KCNMA1: variants seen among roughly 807,000 people sequenced by gnomAD.
KCNMA1 encodes Calcium-activated potassium channel subunit alpha-1.
In KCNMA1, 29 loss-of-function variants were observed where a neutral mutation model predicts 140.0. That is an observed-to-expected ratio of 0.21 (90% CI 0.15 to 0.28). KCNMA1 has a LOEUF of 0.28. KCNMA1 is among the 10% of genes least tolerant of loss of function. KCNMA1 has a pLI of 1.00. For missense variants in KCNMA1, 880 were observed against 1,602.2 expected (o/e 0.55, Z 7.70); for synonymous variants, 612 against 611.9 (o/e 1.00, Z 0.00).
At chr10:77,077,571 AT>A (rs1350948632) in intron 13 of KCNMA1, among the ~76,000 whole-genome samples, 1 of 152,214 alleles carries the variant, frequency 6.6e-6, no homozygotes, top group African/African-American at 2.4e-5. Context: ...ATCAGCACTC[AT>A]TGGAAAGAGA....
chr10:77,450,860 C>A (rs946537680), intron 1 of KCNMA1, among the ~76,000 whole-genome samples: 3 of 152,102 alleles, frequency 2.0e-5, no homozygotes, highest in Non-Finnish European at 2.9e-5. Flanking sequence ...TAGGAGGGAC[C>A]CAGTCAGGGG....
chr10:77,044,894 A>C (rs1274654149), intron 14 of KCNMA1, among the ~76,000 whole-genome samples: 1 of 152,060 alleles, frequency 6.6e-6, no homozygotes, highest in African/African-American at 2.4e-5. Context: ...TTGTGGTGTT[A>C]GGATTTCGGG....
chr10:77,276,816 A>C (rs1021089414), intron 2 of KCNMA1, among the ~76,000 whole-genome samples: 12 of 152,162 alleles, frequency 7.9e-5, no homozygotes, highest in Non-Finnish European at 1.6e-4. Context: ...TATTAATAGC[A>C]AACAAAATAT....
chr10:77,621,033 A>T (rs1011973480), intron 1 of KCNMA1, among the ~76,000 whole-genome samples: 2 of 152,124 alleles, frequency 1.3e-5, no homozygotes, highest in African/African-American at 4.8e-5. Flanking sequence ...TTGCTAACTA[A>T]CCAATTTGTC....
At chr10:77,546,546 G>A (rs950541594) in intron 1 of KCNMA1, among the ~76,000 whole-genome samples, 16 of 152,174 alleles carry the variant, frequency 1.1e-4, no homozygotes, top group Admixed American at 2.6e-4. Context: ...GGCCACTGCC[G>A]GCCTGTTCTG....
intron 1 of KCNMA1, among the ~76,000 whole-genome samples, chr10:77,534,638 T>C (rs1431580099): frequency 6.6e-6 from 1 of 152,178 alleles, no homozygotes; most frequent in Admixed American, 6.5e-5. Context: ...GGTCTATCTA[T>C]ACAATAGGCA....
intron 3 of KCNMA1, among the ~76,000 whole-genome samples, chr10:77,203,602 T>G (rs1024897455): frequency 2.0e-5 from 3 of 152,298 alleles, no homozygotes; most frequent in African/African-American, 4.8e-5. Flanking sequence ...CTTGGTGTTT[T>G]GTGTCTGGGT....
rs2096865207 is a variant in KCNMA1 at position 77,093,654 on chromosome 10, A to G, written c.1224-3144T>C. On this transcript the variant is annotated intron_variant, in intron 9 of 27. Coordinates refer to ENST00000286628, the MANE Select transcript of KCNMA1 (RefSeq NM_001161352.2). ...CCAGAAATATTTTCAAGACTTTTGAAGATTCTAGGGCCATAGTTTGGGGAA... is the reference window on the plus strand; with the variant it reads ...CCAGAAATATTTTCAAGACTTTTGAGGATTCTAGGGCCATAGTTTGGGGAA... Among the ~76,000 whole-genome samples, 6 of 152,348 alleles carry G rather than the reference A, an allele frequency of 3.9e-5. No homozygotes were observed. The South Asian group carries it at 1.2e-3, about 32-fold the overall frequency.
intron 1 of KCNMA1, among the ~76,000 whole-genome samples, chr10:77,524,064 T>A (rs1291952221): frequency 6.6e-6 from 1 of 152,210 alleles, no homozygotes; most frequent in Non-Finnish European, 1.5e-5. Context: ...GCTCCATAAA[T>A]CTACACACCT....
chr10:77,225,028 A>G (rs2050864181), intron 3 of KCNMA1, among the ~76,000 whole-genome samples: 5 of 152,208 alleles, frequency 3.3e-5, no homozygotes, highest in Non-Finnish European at 1.5e-5. Context: ...AGCACAGAGC[A>G]TGGTGCAGAA....
intron 2 of KCNMA1, among the ~76,000 whole-genome samples, chr10:77,284,341 G>C (rs888976846): frequency 6.6e-6 from 1 of 152,076 alleles, no homozygotes; most frequent in African/African-American, 2.4e-5. Flanking sequence ...AAATTCAATT[G>C]AACAGAGGTT....
chr10:77,399,543 G>A (rs1224211770), intron 2 of KCNMA1, among the ~76,000 whole-genome samples: 1 of 152,216 alleles, frequency 6.6e-6, no homozygotes, highest in African/African-American at 2.4e-5. Context: ...GCTCTGTCCA[G>A]TCCTGCTGTT....
intron 1 of KCNMA1, among the ~76,000 whole-genome samples, chr10:77,527,658 G>C (rs571458574): frequency 6.6e-6 from 1 of 152,284 alleles, no homozygotes; most frequent in South Asian, 2.1e-4. Context: ...GCAATTTCTA[G>C]AAGAGCCCAT....
At chr10:77,522,478 C>T (rs1458487107) in intron 1 of KCNMA1, among the ~76,000 whole-genome samples, 1 of 152,224 alleles carries the variant, frequency 6.6e-6, no homozygotes, top group Non-Finnish European at 1.5e-5. Flanking sequence ...CTGTCGGGAA[C>T]AGCATTTAAA....
chr10:77,033,959 C>G (rs768242639), intron 15 of KCNMA1, among the ~76,000 whole-genome samples: 17 of 152,092 alleles, frequency 1.1e-4, no homozygotes, highest in Non-Finnish European at 2.2e-4. Flanking sequence ...AAAATGAGAT[C>G]TGCCAGGTGC....
chr10:77,033,693 C>T (rs189004732), intron 15 of KCNMA1, among the ~76,000 whole-genome samples: 1 of 152,318 alleles, frequency 6.6e-6, no homozygotes, highest in Admixed American at 6.5e-5. Flanking sequence ...TCCAACAGGA[C>T]TCCTTCCCTG....
intron 2 of KCNMA1, among the ~76,000 whole-genome samples, chr10:77,337,255 A>G (rs2089405188): frequency 6.6e-6 from 1 of 152,214 alleles, no homozygotes; most frequent in African/African-American, 2.4e-5. Flanking sequence ...GGGAAGACAA[A>G]TATTTACCAA....
intron 1 of KCNMA1, among the ~76,000 whole-genome samples, chr10:77,566,486 C>G (rs540261186): frequency 6.6e-6 from 1 of 152,358 alleles, no homozygotes; most frequent in African/African-American, 2.4e-5. Context: ...GCAAGCCTGA[C>G]AGCACTGAGT....
intron 24 of KCNMA1, chr10:76,913,771 C>T (rs2051398760): frequency 2.7e-6 from 1 of 364,676 alleles, no homozygotes. Flanking sequence ...AAAAAAGGCT[C>T]AGGCCAGAGA....
Sources: gnomAD v4.1 joint callset for allele counts (sites outside exome capture counted in the v4.1 genomes callset) on GRCh38, gnomAD v4.1.1 for gene constraint, MANE v1.5 for transcripts, NCBI Gene and HGNC (gene_info 2026-07-23, HGNC 2026-07-21) for gene names.